The following CFAP61 variants were observed in gnomAD, a reference collection of about 807,000 sequenced individuals.
CFAP61 encodes cilia- and flagella-associated protein 61.
In CFAP61, 107 loss-of-function variants were observed where a neutral mutation model predicts 135.6. The ratio of observed to expected loss-of-function variants is 0.79; its 90% CI spans 0.67 to 0.93. CFAP61 has a LOEUF of 0.93. CFAP61 is among the 40% of genes least tolerant of loss of function. The pLI is 0.00. For synonymous variants in CFAP61, 575 were observed against 578.5 expected, an observed-to-expected ratio of 0.99 and a Z score of 0.09; for missense variants, 1,507 against 1,556.2, an observed-to-expected ratio of 0.97 and a Z score of 0.53.
intron 7 of CFAP61, among the ~76,000 whole-genome samples, chr20:20,095,188 G>A (rs116619690): frequency 1.4e-3 from 206 of 151,964 alleles, no homozygotes; most frequent in African/African-American, 4.8e-3. Context: ...TAGCTACTGC[G>A]CATTCCCTCC....
At chr20:20,191,188 G>C (rs1021687248) in intron 14 of CFAP61, among the ~76,000 whole-genome samples, 154 bp from the exon 15 acceptor site, 9 of 152,112 alleles carry the variant, frequency 5.9e-5, no homozygotes, top group East Asian at 3.9e-4. Context: ...TGGACATAGG[G>C]AAGGCGTTTA....
At chr20:20,084,622 C>T (rs752769059) in intron 6 of CFAP61, among the ~76,000 whole-genome samples, 55 of 152,166 alleles carry the variant, frequency 3.6e-4, no homozygotes, top group Admixed American at 3.5e-3. Flanking sequence ...TCAGGATCTG[C>T]GTGTCACCCA....
intron 17 of CFAP61, among the ~76,000 whole-genome samples, chr20:20,207,380 G>A (rs1415615180): frequency 1.3e-5 from 2 of 152,160 alleles, no homozygotes; most frequent in Admixed American, 1.3e-4. Flanking sequence ...CAACCCAGTA[G>A]GGGGAAAAAA....
chr20:20,145,212 T>C (rs2051774272), intron 9 of CFAP61, among the ~76,000 whole-genome samples: 1 of 152,096 alleles, frequency 6.6e-6, no homozygotes. Context: ...TTATAACATA[T>C]GTAAAAATAA....
intron 18 of CFAP61, among the ~76,000 whole-genome samples, chr20:20,239,475 T>C (rs1340700362): frequency 6.6e-6 from 1 of 152,190 alleles, no homozygotes; most frequent in Non-Finnish European, 1.5e-5. Context: ...TATGCCACAC[T>C]AGGGAATTTG....
chr20:20,138,757 G>A (rs937766648), intron 8 of CFAP61, among the ~76,000 whole-genome samples: 1 of 152,160 alleles, frequency 6.6e-6, no homozygotes, highest in Non-Finnish European at 1.5e-5. Context: ...AGGATGATTG[G>A]TGGAAGCTTC....
chr20:20,092,545 A>G (rs916621525), intron 7 of CFAP61, among the ~76,000 whole-genome samples: 2 of 152,268 alleles, frequency 1.3e-5, no homozygotes, highest in South Asian at 2.1e-4. Flanking sequence ...CAAACTTGGC[A>G]TATATGCAGA....
At chr20:20,094,351 C>T (rs535590351) in intron 7 of CFAP61, 4 of 152,138 alleles carry the variant, frequency 2.6e-5, no homozygotes, top group African/African-American at 9.7e-5. Context: ...CTTTACACAA[C>T]TAGACAGAAA....
Position 20,190,758 on chromosome 20 carries a change from A to G in CFAP61, c.1513-584A>G, listed in dbSNP as rs573665794. Among the ~76,000 whole-genome samples the G allele has an allele frequency of 2.0e-5, 3 of 152,316 alleles. No homozygotes were observed. The East Asian group carries it at 5.8e-4, about 29-fold the overall frequency. ...ACAAGTATGTCAATTAAAGAGAAAG[A>G]AAAGGAAAAGCCAGTTTCACTAAGG... On this transcript the variant is annotated intron_variant, in intron 14 of 26. Coordinates refer to ENST00000245957, the MANE Select transcript of CFAP61 (RefSeq NM_015585.4).
At chr20:20,159,291 G>A in intron 9 of CFAP61, 79 bp from the exon 10 acceptor site, 1 of 1,266,866 alleles carries the variant, frequency 7.9e-7, no homozygotes, top group Non-Finnish European at 1.1e-6. Context: ...TCTGAACCCT[G>A]GCAGTTTGCT....
At chr20:20,135,082 G>C (rs1263330996) in intron 8 of CFAP61, among the ~76,000 whole-genome samples, 4 of 152,072 alleles carry the variant, frequency 2.6e-5, no homozygotes, top group African/African-American at 9.7e-5. Flanking sequence ...TGTGATAAGG[G>C]AGAGACAGAG....
chr20:20,174,119 A>C (rs2054427068), intron 13 of CFAP61, among the ~76,000 whole-genome samples: 1 of 152,222 alleles, frequency 6.6e-6, no homozygotes, highest in African/African-American at 2.4e-5. Flanking sequence ...AAATTGGAGC[A>C]CATGATGTAT....
chr20:20,306,714 A>C (rs192129424), intron 25 of CFAP61, among the ~76,000 whole-genome samples: 103 of 152,322 alleles, frequency 6.8e-4, no homozygotes, highest in African/African-American at 2.4e-3. Context: ...GCACTCCCAC[A>C]GTCCTTACGT....
At chr20:20,278,886 C>A (rs1426551250) in intron 22 of CFAP61, among the ~76,000 whole-genome samples, 3 of 152,058 alleles carry the variant, frequency 2.0e-5, no homozygotes, top group Non-Finnish European at 4.4e-5. Flanking sequence ...CTGCTAGGTC[C>A]CAGGCTCTGT....
At chr20:20,062,871 G>A (rs996629282) in intron 2 of CFAP61, among the ~76,000 whole-genome samples, 2 of 152,160 alleles carry the variant, frequency 1.3e-5, no homozygotes, top group African/African-American at 4.8e-5. Flanking sequence ...TGGTAAAAAT[G>A]TAAGAATATT....
intron 8 of CFAP61, among the ~76,000 whole-genome samples, chr20:20,112,075 A>G (rs781196834): frequency 2.0e-5 from 3 of 152,204 alleles, no homozygotes; most frequent in Non-Finnish European, 4.4e-5. Flanking sequence ...AAACTTCAGA[A>G]TAAAACAATA....
At chr20:20,303,241 T>C (rs2056217409) in intron 25 of CFAP61, among the ~76,000 whole-genome samples, 1 of 152,210 alleles carries the variant, frequency 6.6e-6, no homozygotes, top group Admixed American at 6.5e-5. Context: ...CTGGTTTGTT[T>C]CTCCCTAAAT....
chr20:20,106,006 A>G (rs2048366424), intron 8 of CFAP61, among the ~76,000 whole-genome samples: 2 of 22,326 alleles, frequency 9.0e-5, no homozygotes, highest in South Asian at 3.5e-3. Flanking sequence ...TTGCCTATAT[A>G]TATATATATA....
intron 24 of CFAP61, among the ~76,000 whole-genome samples, chr20:20,295,314 C>T (rs537840251): frequency 7.9e-5 from 12 of 152,208 alleles, no homozygotes; most frequent in African/African-American, 2.4e-4. Context: ...CAAGGTGTGC[C>T]CCCTTGACAC....
Sources: gnomAD v4.1 joint callset for allele counts (sites outside exome capture counted in the v4.1 genomes callset) on GRCh38, gnomAD v4.1.1 for gene constraint, MANE v1.5 for transcripts, NCBI Gene and HGNC (gene_info 2026-07-23, HGNC 2026-07-21) for gene names.